The following ALOX5AP variants were observed in gnomAD, a reference collection of about 807,000 sequenced individuals.
ALOX5AP encodes arachidonate 5-lipoxygenase-activating protein.
In ALOX5AP, 9 loss-of-function variants were observed where a neutral mutation model predicts 18.5. The observed-to-expected ratio is 0.49, with a 90% CI of 0.29 to 0.85. ALOX5AP has a LOEUF of 0.85. Ranked by LOEUF, ALOX5AP falls within the 40% of genes least tolerant of loss-of-function variation. ALOX5AP has a pLI of 0.08. For synonymous variants in ALOX5AP, 81 were observed against 78.6 expected (o/e 1.03, Z -0.16); for missense variants, 172 against 202.5 (o/e 0.85, Z 0.91).
intron 2 of ALOX5AP, among the ~76,000 whole-genome samples, chr13:30,747,576 G>A (rs1254621658): frequency 6.6e-6 from 1 of 152,212 alleles, no homozygotes; most frequent in Non-Finnish European, 1.5e-5. Flanking sequence ...ATCCTTGTTA[G>A]CTGACCTAAG....
At chr13:30,720,111 C>T (rs879670633) in intron 1 of ALOX5AP, among the ~76,000 whole-genome samples, 2 of 152,190 alleles carry the variant, frequency 1.3e-5, no homozygotes, top group Admixed American at 6.5e-5. Context: ...CCGCCCACCT[C>T]GGCCTCCCAA....
chr13:30,740,862 G>A (rs1424276470), intron 1 of ALOX5AP, among the ~76,000 whole-genome samples: 54 of 152,162 alleles, frequency 3.5e-4, no homozygotes, highest in Non-Finnish European at 1.5e-5. Context: ...CAGCCTTAGA[G>A]AAAAGGAAGG....
chr13:30,751,110 C>T (rs1349247442), intron 2 of ALOX5AP, among the ~76,000 whole-genome samples: 2 of 152,190 alleles, frequency 1.3e-5, no homozygotes, highest in Non-Finnish European at 2.9e-5. Flanking sequence ...GTTGCCTGGG[C>T]TGGAGTGCAG....
chr13:30,721,360 T>C (rs1951591847), intron 1 of ALOX5AP, among the ~76,000 whole-genome samples: 1 of 152,164 alleles, frequency 6.6e-6, no homozygotes, highest in Non-Finnish European at 1.5e-5. Context: ...CCAAGTACTG[T>C]AAGACTGAGG....
At chr13:30,745,763 A>T (rs1161911976) in intron 2 of ALOX5AP, among the ~76,000 whole-genome samples, 2 of 152,234 alleles carry the variant, frequency 1.3e-5, no homozygotes, top group African/African-American at 2.4e-5. Context: ...CCTTGGACAC[A>T]TCCACATGCA....
chr13:30,761,352 G>A (rs1004924602), intron 4 of ALOX5AP, among the ~76,000 whole-genome samples: 18 of 152,064 alleles, frequency 1.2e-4, no homozygotes, highest in African/African-American at 4.1e-4. Flanking sequence ...TTTTCACTTC[G>A]GTTTTATCTT....
At chr13:30,747,188 C>A (rs1951816154) in intron 2 of ALOX5AP, among the ~76,000 whole-genome samples, 1 of 152,148 alleles carries the variant, frequency 6.6e-6, no homozygotes, top group Non-Finnish European at 1.5e-5. Context: ...TTAATTCATT[C>A]TTTTGAAAGA....
intron 1 of ALOX5AP, among the ~76,000 whole-genome samples, chr13:30,728,845 G>A (rs181665982): frequency 5.6e-4 from 85 of 152,156 alleles, no homozygotes; most frequent in Non-Finnish European, 9.6e-4. Flanking sequence ...GAGAAAGCTG[G>A]TCTCTAAAAA....
chr13:30,730,021 A>C (rs1951669134), intron 1 of ALOX5AP, among the ~76,000 whole-genome samples: 1 of 152,164 alleles, frequency 6.6e-6, no homozygotes, highest in African/African-American at 2.4e-5. Context: ...CGGATACTAC[A>C]CTGGCTTCCT....
At chr13:30,757,911 G>A (rs1311938017) in intron 4 of ALOX5AP, among the ~76,000 whole-genome samples, 1 of 152,120 alleles carries the variant, frequency 6.6e-6, no homozygotes, top group African/African-American at 2.4e-5. Flanking sequence ...CTGCCTTCTT[G>A]TGTCCCTCCC....
At chr13:30,729,290 C>T (rs974979002) in intron 1 of ALOX5AP, among the ~76,000 whole-genome samples, 3 of 151,922 alleles carry the variant, frequency 2.0e-5, no homozygotes, top group African/African-American at 7.3e-5. Context: ...TGTTTAAGAC[C>T]CATTTCTAGT....
At chr13:30,748,177 C>T (rs1368579342) in intron 2 of ALOX5AP, among the ~76,000 whole-genome samples, 4 of 152,128 alleles carry the variant, frequency 2.6e-5, no homozygotes, top group Non-Finnish European at 4.4e-5. Flanking sequence ...CCTCGGCCTC[C>T]CAGAGTGCTC....
At chr13:30,739,310 C>T (rs751736320) in intron 1 of ALOX5AP, among the ~76,000 whole-genome samples, 4 of 152,236 alleles carry the variant, frequency 2.6e-5, no homozygotes, top group Non-Finnish European at 5.9e-5. Flanking sequence ...ACTGGAGGGG[C>T]CGCTGTAGGC....
intron 4 of ALOX5AP, among the ~76,000 whole-genome samples, chr13:30,761,757 T>C (rs1039265854): frequency 5.9e-5 from 9 of 152,188 alleles, no homozygotes; most frequent in Admixed American, 3.9e-4. Context: ...CTTCACATCA[T>C]CACCTCACTG....
At position 30,747,737 on chromosome 13, in the gene ALOX5AP, G is replaced by A. The variant is rs560283246; in HGVS notation, c.170+3578G>A. The stretch of plus-strand genomic sequence containing the variant: ...TCTTTATAGACAGACTTTTGAGGAC[G>A]TTTAAGGGTATTCTGATTCTTGGTT... On this transcript the variant is annotated intron_variant, in intron 2 of 4. Transcript: ENST00000380490. Among the ~76,000 whole-genome samples the A allele has an allele frequency of 3.3e-5, 5 of 152,204 alleles. No individual in the cohort carries two copies. The South Asian group carries it at 1.0e-3, about 32-fold the overall frequency.
chr13:30,727,080 G>T (rs897609630), intron 1 of ALOX5AP, among the ~76,000 whole-genome samples: 4 of 148,232 alleles, frequency 2.7e-5, no homozygotes, highest in Non-Finnish European at 5.9e-5. Flanking sequence ...TTTTTCCAAG[G>T]TCTCACTCTG....
intron 3 of ALOX5AP, among the ~76,000 whole-genome samples, chr13:30,753,208 G>A (rs1951866180): frequency 6.6e-6 from 1 of 152,212 alleles, no homozygotes; most frequent in Non-Finnish European, 1.5e-5. Flanking sequence ...AGAGAGCAGA[G>A]GTGAGGCGGC....
intron 4 of ALOX5AP, among the ~76,000 whole-genome samples, chr13:30,762,352 G>A (rs1161673573): frequency 6.6e-6 from 1 of 152,162 alleles, no homozygotes; most frequent in East Asian, 1.9e-4. Flanking sequence ...ACTTTGGGAG[G>A]CCGAGGTGGG....
intron 3 of ALOX5AP, among the ~76,000 whole-genome samples, chr13:30,752,855 C>T (rs1951863579): frequency 6.6e-6 from 1 of 152,182 alleles, no homozygotes; most frequent in Non-Finnish European, 1.5e-5. Context: ...TCCCTTATTA[C>T]CTTTCAGGAT....
Sources: allele counts gnomAD v4.1 joint callset (sites outside exome capture counted in the v4.1 genomes callset), GRCh38; gene constraint gnomAD v4.1.1; transcripts MANE v1.5; gene names NCBI Gene and HGNC (gene_info 2026-07-23, HGNC 2026-07-21).